PRKN: variants seen among roughly 807,000 people sequenced by gnomAD.
The protein encoded by PRKN is E3 ubiquitin-protein ligase parkin.
Under a neutral mutation model 59.5 loss-of-function variants are expected in PRKN, and 56 were observed. That is an observed-to-expected ratio of 0.94 (90% CI 0.76 to 1.18). The LOEUF (loss-of-function observed/expected upper bound fraction) is 1.18. Among genes scored for constraint, PRKN ranks in the 50% most tolerant of loss-of-function variants. The pLI is 0.00. For missense variants in PRKN, 657 were observed against 596.4 expected (o/e 1.10, Z -1.06); for synonymous variants, 250 against 222.1 (o/e 1.13, Z -1.12).
intron 2 of PRKN, among the ~76,000 whole-genome samples, chr6:162,396,545 G>T (rs192429736): frequency 1.3e-5 from 2 of 152,072 alleles, no homozygotes; most frequent in Admixed American, 6.6e-5. Flanking sequence ...TGTCTGTCGC[G>T]TTCACTGTTG....
intron 6 of PRKN, among the ~76,000 whole-genome samples, chr6:161,813,006 A>G (rs1205808208): frequency 6.6e-6 from 1 of 152,224 alleles, no homozygotes; most frequent in African/African-American, 2.4e-5. Context: ...AAACCTGAAT[A>G]GGACATGGAA....
chr6:162,303,411 C>T (rs1022470134), intron 2 of PRKN, among the ~76,000 whole-genome samples: 8 of 152,094 alleles, frequency 5.3e-5, no homozygotes, highest in Admixed American at 3.3e-4. Flanking sequence ...CTGTTCAATG[C>T]GATTCCTTTC....
Position 161,421,187 on chromosome 6 carries a change from G to T in PRKN, c.1084-34310C>A, listed in dbSNP as rs78887873. Among the ~76,000 whole-genome samples the T allele has an allele frequency of 4.6e-3, 693 of 152,288 alleles. 5 individuals are homozygous for T. Among genetic ancestry groups the T allele is most frequent in the African/African-American group, 0.016 (659 of 41,558 alleles). On this transcript the variant is annotated intron_variant, in intron 9 of 11. Coordinates refer to ENST00000366898, the MANE Select transcript of PRKN (RefSeq NM_004562.3). ...CGAGGGCCCATACCCCACACCAGGAGAGTTGAGGCATTCCTCATCTTGATT... is the reference window on the plus strand; with the variant it reads ...CGAGGGCCCATACCCCACACCAGGATAGTTGAGGCATTCCTCATCTTGATT...
intron 1 of PRKN, among the ~76,000 whole-genome samples, chr6:162,661,557 G>C (rs972486005): frequency 2.6e-5 from 4 of 152,154 alleles, no homozygotes; most frequent in Admixed American, 2.0e-4. Context: ...GGAACCCTGA[G>C]CACAGAGGTT....
At chr6:162,208,028 A>T (rs1583199781) in intron 3 of PRKN, among the ~76,000 whole-genome samples, 1 of 152,344 alleles carries the variant, frequency 6.6e-6, no homozygotes, top group South Asian at 2.1e-4. Flanking sequence ...AAAATTAAAC[A>T]TTAGAAAAAT....
intron 10 of PRKN, among the ~76,000 whole-genome samples, chr6:161,368,159 C>T (rs1334969459): frequency 6.6e-6 from 1 of 151,442 alleles, no homozygotes; most frequent in Non-Finnish European, 1.5e-5. Context: ...GGCGCAGTGG[C>T]TCACACCTGT....
intron 3 of PRKN, among the ~76,000 whole-genome samples, chr6:162,215,623 T>C (rs906643737): frequency 2.0e-5 from 3 of 152,236 alleles, no homozygotes; most frequent in Non-Finnish European, 4.4e-5. Context: ...CGTGTCATCA[T>C]TAAGAAATGG....
intron 4 of PRKN, among the ~76,000 whole-genome samples, chr6:162,150,173 T>C (rs2128313471): frequency 6.6e-6 from 1 of 152,188 alleles, no homozygotes; most frequent in Admixed American, 6.5e-5. Flanking sequence ...TGTGAGTAAA[T>C]ACAGAAACAG....
intron 3 of PRKN, among the ~76,000 whole-genome samples, chr6:162,224,906 T>C (rs1778098759): frequency 6.6e-6 from 1 of 152,222 alleles, no homozygotes; most frequent in Non-Finnish European, 1.5e-5. Flanking sequence ...ACCATACTCA[T>C]CTGAGATGCC....
At chr6:161,563,150 T>C (rs1780517667) in intron 8 of PRKN, among the ~76,000 whole-genome samples, 1 of 152,076 alleles carries the variant, frequency 6.6e-6, no homozygotes, top group African/African-American at 2.4e-5. Context: ...CCCTCAACGC[T>C]TAGTCTCAGG....
Position 161,589,946 on chromosome 6 carries a change from A to AT in PRKN, c.872-20531dup, listed in dbSNP as rs1284819728. 8.2e-3 allele frequency among the ~76,000 whole-genome samples: 1,146 copies of AT among 140,456 alleles called. 13 individuals are homozygous for AT. Among genetic ancestry groups the AT allele is most frequent in the African/African-American group, 0.023 (870 of 38,364 alleles). The allele number at this position is 140,456 out of a possible 152,430, so 92.1% of individuals were successfully genotyped here. A position where few individuals can be genotyped will look rare whatever the true frequency, so the allele number is the denominator to read the frequency against. On this transcript the variant is annotated intron_variant, in intron 7 of 11. Transcript: ENST00000366898. The stretch of plus-strand genomic sequence containing the variant: ...AGGTGCCCGACATCATGCGCAGCTA[A>AT]TTTTTTTTTTTTTTGTATTTTTACT...
intron 6 of PRKN, among the ~76,000 whole-genome samples, chr6:161,836,607 C>T (rs982475397): frequency 3.3e-5 from 5 of 152,146 alleles, no homozygotes; most frequent in Non-Finnish European, 7.4e-5. Flanking sequence ...AAACCAGAGA[C>T]GATCATAATT....
rs1562516914 is a variant in PRKN, at chr6:161,544,803, G to A, written c.1083+4051C>T. Among the ~76,000 whole-genome samples the A allele has an allele frequency of 1.3e-5, 2 of 152,114 alleles. No homozygotes were observed. The highest frequency in any genetic ancestry group is 1.5e-5 in the Non-Finnish European group (1 of 68,014). On this transcript the variant is annotated intron_variant, in intron 9 of 11. Coordinates refer to ENST00000366898, the MANE Select transcript of PRKN (RefSeq NM_004562.3). The surrounding 1 kb of genome is among the most constrained non-coding windows in gnomAD (Gnocchi z 5.5). The stretch of plus-strand genomic sequence containing the variant: ...TATTAGTTAAGGTACATTGCTCCTC[G>A]GGGAACAGATAAGCCTGTGACACAG...
rs1790323593 is a variant in PRKN at position 161,463,830 on chromosome 6, C to T, written c.1084-76953G>A. Among the ~76,000 whole-genome samples the T allele has an allele frequency of 6.6e-6, 1 of 152,150 alleles. No individual in the cohort carries two copies. The highest frequency in any genetic ancestry group is 1.5e-5 in the Non-Finnish European group (1 of 68,034). On this transcript the variant is annotated intron_variant, in intron 9 of 11. Transcript: ENST00000366898. The surrounding 1 kb of genome is among the most constrained non-coding windows in gnomAD (Gnocchi z 4.8). ...CATTTCCATCCAAATTTTGGAAGCA[C>T]CTAAATCCAAGCCCTGCAACTATCC...
chr6:162,371,015 A>T (rs2128136866), intron 2 of PRKN, among the ~76,000 whole-genome samples: 1 of 152,346 alleles, frequency 6.6e-6, no homozygotes, highest in East Asian at 1.9e-4. Flanking sequence ...CCCAATGGCC[A>T]TCACTGGTTA....
Position 162,576,692 on chromosome 6 carries a change from G to A in PRKN, c.8-133219C>T, listed in dbSNP as rs148410680. 3.2e-3 allele frequency among the ~76,000 whole-genome samples: 490 copies of A among 151,054 alleles called. 3 individuals carry two copies. Among genetic ancestry groups the A allele is most frequent in the African/African-American group, 0.012 (471 of 40,828 alleles). ...CTGGGCGTGGTGGCGCATGCCTGTA[G>A]TCCCAGCTACTCAGGAGGCTGAGGC... On this transcript the variant is annotated intron_variant, in intron 1 of 11. Transcript: ENST00000366898.
Position 161,417,141 on chromosome 6 carries a change from T to C in PRKN, c.1084-30264A>G, listed in dbSNP as rs1389587072. Among the ~76,000 whole-genome samples the C allele has an allele frequency of 6.6e-6, 1 of 151,928 alleles. No individual in the cohort carries two copies. Among genetic ancestry groups the C allele is most frequent in the Admixed American group, 6.6e-5 (1 of 15,254 alleles). ...GTCCAGAGTTTCTGATGGCAGCGGG[T>C]TTTTGATGGCCTGTAAAGTCATCTA... On this transcript the variant is annotated intron_variant, in intron 9 of 11. Coordinates refer to ENST00000366898, the MANE Select transcript of PRKN (RefSeq NM_004562.3). The surrounding 1 kb of genome is among the most constrained non-coding windows in gnomAD (Gnocchi z 5.4).
chr6:162,192,143 CTT>C (rs1041847247), intron 4 of PRKN, among the ~76,000 whole-genome samples: 2 of 151,982 alleles, frequency 1.3e-5, no homozygotes, highest in Non-Finnish European at 2.9e-5. Context: ...AAATATTTCT[CTT>C]ATAAATATTT....
chr6:162,678,631 G>A (rs1779647411), intron 1 of PRKN, among the ~76,000 whole-genome samples: 1 of 152,120 alleles, frequency 6.6e-6, no homozygotes. Flanking sequence ...TATTGTCTAT[G>A]TTTTATTGGG....
Sources: gnomAD v4.1 joint callset for allele counts (sites outside exome capture counted in the v4.1 genomes callset) on GRCh38, gnomAD v4.1.1 for gene constraint, Gnocchi (gnomAD v3.1) non-coding constraint, MANE v1.5 for transcripts, NCBI Gene and HGNC (gene_info 2026-07-23, HGNC 2026-07-21) for gene names.